The following LIMCH1 variants were observed in gnomAD, a reference collection of about 807,000 sequenced individuals.
LIMCH1 encodes the protein LIM and calponin homology domains 1.
LIMCH1 carries 113 observed loss-of-function variants against 176.5 expected under a neutral mutation model. The ratio of observed to expected loss-of-function variants is 0.64; its 90% CI spans 0.55 to 0.75. The LOEUF (loss-of-function observed/expected upper bound fraction) is 0.75. LIMCH1 is among the 30% of genes least tolerant of loss of function. LIMCH1 has a pLI of 0.00. For missense variants in LIMCH1, 1,674 were observed against 1,814.9 expected, an observed-to-expected ratio of 0.92 and a Z score of 1.41; for synonymous variants, 619 against 645.9, an observed-to-expected ratio of 0.96 and a Z score of 0.63.
intron 1 of LIMCH1, among the ~76,000 whole-genome samples, chr4:41,566,971 G>A (rs2082864179): frequency 6.6e-6 from 1 of 152,206 alleles, no homozygotes; most frequent in Admixed American, 6.5e-5. Flanking sequence ...ATCCCAATCA[G>A]CAGTGCTCTT....
intron 27 of LIMCH1, among the ~76,000 whole-genome samples, chr4:41,684,783 G>A (rs1234963205): frequency 1.3e-5 from 2 of 152,142 alleles, no homozygotes; most frequent in Non-Finnish European, 2.9e-5. Flanking sequence ...ACCTTCATAA[G>A]TAGTGCATTC....
At chr4:41,411,669 A>C (rs1312313607) in intron 1 of LIMCH1, among the ~76,000 whole-genome samples, 1 of 122,348 alleles carries the variant, frequency 8.2e-6, no homozygotes, top group African/African-American at 2.5e-5. Flanking sequence ...TAGGGAAAAA[A>C]AAAAGGATAG....
intron 1 of LIMCH1, among the ~76,000 whole-genome samples, chr4:41,447,315 GAA>G (rs1321930367): frequency 2.0e-5 from 3 of 152,204 alleles, no homozygotes; most frequent in African/African-American, 7.2e-5. Context: ...AGTGTTTTGA[GAA>G]AAGACAAGGA....
At chr4:41,445,637 G>T (rs1293881766) in intron 1 of LIMCH1, among the ~76,000 whole-genome samples, 1 of 152,194 alleles carries the variant, frequency 6.6e-6, no homozygotes, top group Non-Finnish European at 1.5e-5. Flanking sequence ...AGTATGTGAA[G>T]GTTTCCTTAT....
At chr4:41,584,247 A>G (rs6839004) in intron 1 of LIMCH1, among the ~76,000 whole-genome samples, 52,611 of 151,904 alleles carry the variant, frequency 0.35, 14,535 homozygotes, top group African/African-American at 0.77. Flanking sequence ...TCAGACCTTG[A>G]TGTTTGACTC....
intron 18 of LIMCH1, among the ~76,000 whole-genome samples, chr4:41,656,106 A>C (rs1204519234): frequency 6.6e-6 from 1 of 152,196 alleles, no homozygotes; most frequent in East Asian, 1.9e-4. Context: ...TGCTTTTCTC[A>C]AACTGAGTCA....
chr4:41,367,684 C>CGAAA (rs2053254860), intron 1 of LIMCH1, among the ~76,000 whole-genome samples: 1 of 96,530 alleles, frequency 1.0e-5, no homozygotes, highest in African/African-American at 4.0e-5. Flanking sequence ...ACTAAAAATC[C>CGAAA]AAAAAAAAAA....
chr4:41,623,469 C>G (rs2092724232), intron 7 of LIMCH1, among the ~76,000 whole-genome samples: 1 of 152,140 alleles, frequency 6.6e-6, no homozygotes, highest in Non-Finnish European at 1.5e-5. Flanking sequence ...TCTTAAACAC[C>G]TTGCTAGGCT....
At chr4:41,565,392 CACACAG>C (rs1213300203) in intron 1 of LIMCH1, among the ~76,000 whole-genome samples, 28 of 146,416 alleles carry the variant, frequency 1.9e-4, no homozygotes, top group African/African-American at 7.0e-4. Context: ...CATACACACA[CACACAG>C]ACACACACAC....
chr4:41,634,209 C>G (rs541001989), intron 13 of LIMCH1, among the ~76,000 whole-genome samples: 2 of 152,202 alleles, frequency 1.3e-5, no homozygotes, highest in Non-Finnish European at 2.9e-5. Context: ...AGCAAACACT[C>G]GTTGCCTTCT....
chr4:41,453,161 G>A (rs1481007478), intron 1 of LIMCH1, among the ~76,000 whole-genome samples: 2 of 152,180 alleles, frequency 1.3e-5, no homozygotes, highest in Admixed American at 6.6e-5. Flanking sequence ...CCCCAGTGCT[G>A]GGATTGTCCA....
chr4:41,533,000 C>A (rs1196626410), intron 3 of LIMCH1, among the ~76,000 whole-genome samples: 1 of 152,114 alleles, frequency 6.6e-6, no homozygotes, highest in East Asian at 1.9e-4. Flanking sequence ...GAGTAGGGAG[C>A]TTAGAACTTC....
Position 41,661,339 on chromosome 4 carries a change from TA to T in LIMCH1, c.3037-76del, listed in dbSNP as rs1184282233. ...ATATGGCCAAACCACTTTGTTGACC[TA>T]AAAATTACTGCTTAAAAAATAATTT... is the stretch of plus-strand genomic sequence containing the variant. On this transcript the variant is annotated intron_variant, in intron 18 of 31. Coordinates refer to ENST00000503057, the MANE Select transcript of LIMCH1 (RefSeq NM_001330672.2). 6.8e-6 allele frequency: 7 copies of T among 1,036,446 alleles called. No individual in the cohort carries two copies. The South Asian group carries it at 7.1e-5, about 11-fold the overall frequency. The allele number at this position is 1,036,446 out of a possible 1,614,324, so 64.2% of individuals were successfully genotyped here.
intron 1 of LIMCH1, among the ~76,000 whole-genome samples, chr4:41,540,387 A>G (rs371714325): frequency 2.2e-4 from 34 of 152,314 alleles, no homozygotes; most frequent in African/African-American, 8.2e-4. Context: ...CCCTAAAATC[A>G]TGATTCAGTG....
intron 1 of LIMCH1, among the ~76,000 whole-genome samples, chr4:41,427,380 A>AT (rs1172311158): frequency 6.6e-6 from 1 of 152,100 alleles, no homozygotes; most frequent in African/African-American, 2.4e-5. Flanking sequence ...CAAATGATGG[A>AT]TTTTTGTTTT....
chr4:41,374,229 A>T (rs1478124215), intron 1 of LIMCH1, among the ~76,000 whole-genome samples: 2 of 152,140 alleles, frequency 1.3e-5, no homozygotes, highest in East Asian at 3.9e-4. Flanking sequence ...GAGGTAGGGG[A>T]TGCCTAAGGA....
At chr4:41,473,204 T>C in intron 1 of LIMCH1, 1 of 984,572 alleles carries the variant, frequency 1.0e-6, no homozygotes, top group Non-Finnish European at 1.2e-6. Context: ...AGGTGTGTGC[T>C]GTTTACTGCA....
chr4:41,528,062 A>G (rs2076868652), intron 3 of LIMCH1, among the ~76,000 whole-genome samples: 1 of 152,188 alleles, frequency 6.6e-6, no homozygotes, highest in Non-Finnish European at 1.5e-5. Flanking sequence ...ATCTTTGTGT[A>G]TATAGGAGAA....
chr4:41,613,787 T>C lies in LIMCH1; in HGVS notation c.205+126T>C, dbSNP rs984465843. The C allele has an allele frequency of 3.8e-5, 29 of 757,028 alleles. No homozygotes were observed. The Admixed American group carries it at 8.0e-4, about 21-fold the overall frequency. The allele number at this position is 757,028 out of a possible 1,614,324, so 46.9% of individuals were successfully genotyped here. A position where few individuals can be genotyped will look rare whatever the true frequency, so the allele number is the denominator to read the frequency against. ...TATCCACCTTGCCGGAACTTAGTAATTCTATAAACTGGCAGAAAAAAGAAG... is the reference window on the plus strand; with the variant it reads ...TATCCACCTTGCCGGAACTTAGTAACTCTATAAACTGGCAGAAAAAAGAAG... On this transcript the variant is annotated intron_variant, in intron 5 of 31. Coordinates refer to ENST00000503057, the MANE Select transcript of LIMCH1 (RefSeq NM_001330672.2).
Sources: gnomAD v4.1 joint callset for allele counts (sites outside exome capture counted in the v4.1 genomes callset) on GRCh38, gnomAD v4.1.1 for gene constraint, MANE v1.5 for transcripts, NCBI Gene and HGNC (gene_info 2026-07-23, HGNC 2026-07-21) for gene names.